The following CSMD3 variants were observed in gnomAD, a reference collection of about 807,000 sequenced individuals.
CSMD3 encodes the protein CUB and sushi domain-containing protein 3.
In CSMD3, 177 loss-of-function variants were observed where a neutral mutation model predicts 435.2. That is an observed-to-expected ratio of 0.41 (90% CI 0.36 to 0.46). The LOEUF (loss-of-function observed/expected upper bound fraction) is 0.46, where lower values mean the gene tolerates loss of function less well. Ranked by LOEUF, CSMD3 falls within the 20% of genes least tolerant of loss-of-function variation. CSMD3 has a pLI of 0.34. For missense variants in CSMD3, 4,265 were observed against 4,504.6 expected (o/e 0.95, Z 1.52); for synonymous variants, 1,656 against 1,520.5 (o/e 1.09, Z -2.07).
chr8:113,278,367 T>C lies in CSMD3; in HGVS notation c.514+225A>G, dbSNP rs76935653. Among the ~76,000 whole-genome samples, 1,255 of 151,942 alleles carry C rather than the reference T, an allele frequency of 8.3e-3. 15 individuals are homozygous for C. Among genetic ancestry groups the C allele is most frequent in the African/African-American group, 0.028 (1,175 of 41,504 alleles). ...TCACATTTAATTCCGTTTTGTTAAT[T>C]CGTAACCCTGTAGCAATTTAATGGT... On this transcript the variant is annotated intron_variant, in intron 3 of 70. Transcript: ENST00000297405.
At chr8:112,466,779 T>A (rs919257811) in intron 32 of CSMD3, among the ~76,000 whole-genome samples, 3 of 152,120 alleles carry the variant, frequency 2.0e-5, no homozygotes, top group Non-Finnish European at 4.4e-5. Flanking sequence ...ACTATGTAAT[T>A]ACCTAAGTCT....
intron 7 of CSMD3, among the ~76,000 whole-genome samples, chr8:112,964,903 C>T (rs1041049157): frequency 2.0e-5 from 3 of 151,948 alleles, no homozygotes; most frequent in Non-Finnish European, 4.4e-5. Context: ...AAACCTAACA[C>T]CACGCTGTTC....
intron 11 of CSMD3, among the ~76,000 whole-genome samples, chr8:112,830,872 C>T (rs987138362): frequency 4.6e-5 from 7 of 151,252 alleles, no homozygotes; most frequent in Non-Finnish European, 1.0e-4. Context: ...CTGCCAGCTC[C>T]GCCTCCTGGG....
intron 1 of CSMD3, among the ~76,000 whole-genome samples, chr8:113,426,381 TGTATCCATTATGTG>T (rs2094635725): frequency 6.6e-6 from 1 of 151,312 alleles, no homozygotes; most frequent in African/African-American, 2.4e-5. Context: ...TCATTGTGGG[TGTATCCATTATGTG>T]GTACATTATG....
chr8:113,248,117 T>C (rs2093294973), intron 3 of CSMD3, among the ~76,000 whole-genome samples: 1 of 151,996 alleles, frequency 6.6e-6, no homozygotes, highest in South Asian at 2.1e-4. Context: ...CAACTGGACT[T>C]GTGAAGTATC....
intron 1 of CSMD3, among the ~76,000 whole-genome samples, chr8:113,399,106 T>TATATATATATATATATATATATATATAC (rs773585004): frequency 1.1e-5 from 1 of 95,096 alleles, no homozygotes; most frequent in African/African-American, 4.5e-5. Context: ...TATATATATA[T>TATATATATATATATATATATATATATAC]ACACACACAC....
chr8:113,087,715 G>T (rs916024617), intron 5 of CSMD3, among the ~76,000 whole-genome samples: 9 of 152,018 alleles, frequency 5.9e-5, no homozygotes, highest in African/African-American at 1.9e-4. Flanking sequence ...ATTCAAGATG[G>T]ATTAAAGACT....
intron 10 of CSMD3, among the ~76,000 whole-genome samples, chr8:112,891,682 G>T (rs547813910): frequency 4.6e-5 from 7 of 151,634 alleles, no homozygotes; most frequent in African/African-American, 1.7e-4. Flanking sequence ...GACATTTTCA[G>T]ACTTGCTACT....
intron 3 of CSMD3, among the ~76,000 whole-genome samples, chr8:113,232,790 C>A (rs2093103256): frequency 6.6e-6 from 1 of 151,710 alleles, no homozygotes; most frequent in Non-Finnish European, 1.5e-5. Flanking sequence ...ACTTTACTCT[C>A]ATAAAAACTC....
chr8:112,662,836 T>A (rs144497172), intron 17 of CSMD3, among the ~76,000 whole-genome samples: 2,039 of 151,808 alleles, frequency 0.013, 59 homozygotes, highest in African/African-American at 0.047. Context: ...AGAAAAAAAC[T>A]AACAACTCCA....
At chr8:112,887,573 T>C (rs1378430281) in intron 10 of CSMD3, among the ~76,000 whole-genome samples, 2 of 151,548 alleles carry the variant, frequency 1.3e-5, no homozygotes, top group Admixed American at 1.3e-4. Flanking sequence ...CTTTCTTAAT[T>C]CCCTGGTCCT....
intron 30 of CSMD3, among the ~76,000 whole-genome samples, chr8:112,497,657 C>A (rs535809499): frequency 6.6e-6 from 1 of 151,608 alleles, no homozygotes; most frequent in Non-Finnish European, 1.5e-5. Context: ...TATCTAGGGC[C>A]TCAATTTATA....
At position 112,942,247 on chromosome 8, in the gene CSMD3, A is replaced by C. The variant is rs1036030939; in HGVS notation, c.1508+5543T>G. On this transcript the variant is annotated intron_variant, in intron 9 of 70. Transcript: ENST00000297405. ...CCCATGTTTAGTTTAAAAAAAAAAAAAAAAACTGTCAACGGCTGGCATGAG... is the reference window on the plus strand; with the variant it reads ...CCCATGTTTAGTTTAAAAAAAAAAACAAAAACTGTCAACGGCTGGCATGAG... Among the ~76,000 whole-genome samples, 16 of 151,660 alleles carry C rather than the reference A, an allele frequency of 1.1e-4. No homozygotes were observed. The South Asian group carries it at 1.5e-3, about 14-fold the overall frequency.
chr8:112,706,725 A>T (rs2076506060), intron 13 of CSMD3, among the ~76,000 whole-genome samples: 1 of 151,970 alleles, frequency 6.6e-6, no homozygotes, highest in Non-Finnish European at 1.5e-5. Context: ...AGGAGAGAAA[A>T]CCATTCTGGC....
chr8:112,417,097 A>G (rs1216644331), intron 32 of CSMD3, among the ~76,000 whole-genome samples: 2 of 152,220 alleles, frequency 1.3e-5, no homozygotes, highest in African/African-American at 2.4e-5. Context: ...TCTTTGTTGC[A>G]TAGAAGAATG....
chr8:113,190,847 T>C (rs575715226), intron 3 of CSMD3, among the ~76,000 whole-genome samples: 1 of 151,846 alleles, frequency 6.6e-6, no homozygotes, highest in Non-Finnish European at 1.5e-5. Flanking sequence ...TTGTTTTCCA[T>C]GACATTAACA....
intron 1 of CSMD3, among the ~76,000 whole-genome samples, chr8:113,397,766 T>C (rs1029967093): frequency 1.3e-5 from 2 of 151,546 alleles, no homozygotes; most frequent in African/African-American, 4.9e-5. Flanking sequence ...TGCAGTGAGC[T>C]GAGATCACCC....
At chr8:112,673,285 A>G (rs552101523) in intron 16 of CSMD3, among the ~76,000 whole-genome samples, 1 of 152,128 alleles carries the variant, frequency 6.6e-6, no homozygotes, top group East Asian at 1.9e-4. Flanking sequence ...TGAACAAGTC[A>G]GGTATGTATC....
intron 65 of CSMD3, among the ~76,000 whole-genome samples, chr8:112,242,448 T>C (rs566873279): frequency 1.3e-5 from 2 of 152,096 alleles, no homozygotes; most frequent in East Asian, 3.9e-4. Flanking sequence ...CAAGAAAACT[T>C]TGGAAAGCAG....
Sources: allele counts gnomAD v4.1 joint callset (sites outside exome capture counted in the v4.1 genomes callset), GRCh38; gene constraint gnomAD v4.1.1; transcripts MANE v1.5; gene names NCBI Gene and HGNC (gene_info 2026-07-23, HGNC 2026-07-21).